Variants in IQCK observed in about 807,000 individuals in gnomAD.
IQCK encodes the protein IQ motif containing K.
IQCK carries 29 observed loss-of-function variants against 28.1 expected under a neutral mutation model. That is an observed-to-expected ratio of 1.03 (90% CI 0.77 to 1.41). The LOEUF is 1.41. IQCK is among the 40% of genes most tolerant of loss of function. The pLI is 0.00. For synonymous variants in IQCK, 113 were observed against 115.1 expected (o/e 0.98, Z 0.12); for missense variants, 359 against 314.7 (o/e 1.14, Z -1.07).
chr16:19,833,811 G>GCT (rs1219728885), intron 9 of IQCK, among the ~76,000 whole-genome samples: 1 of 152,090 alleles, frequency 6.6e-6, no homozygotes, highest in Non-Finnish European at 1.5e-5. Flanking sequence ...CTTAGGATTT[G>GCT]CTGGAGGCTG....
intron 4 of IQCK, among the ~76,000 whole-genome samples, chr16:19,742,716 G>C (rs1178465471): frequency 2.0e-5 from 3 of 152,206 alleles, no homozygotes; most frequent in African/African-American, 7.2e-5. Context: ...AATACTTGCT[G>C]ATCTGCGTTT....
At chr16:19,738,157 A>G (rs1269492333) in intron 4 of IQCK, among the ~76,000 whole-genome samples, 1 of 152,216 alleles carries the variant, frequency 6.6e-6, no homozygotes, top group South Asian at 2.1e-4. Flanking sequence ...ATGCTACCCA[A>G]TGCCTAGCAC....
chr16:19,810,492 G>A (rs769606497), intron 7 of IQCK, among the ~76,000 whole-genome samples: 21 of 112,850 alleles, frequency 1.9e-4, no homozygotes, highest in East Asian at 2.8e-4. Flanking sequence ...GTGAGACTCC[G>A]TCTCAAAAAA....
chr16:19,747,883 A>G (rs2054933701), intron 4 of IQCK, among the ~76,000 whole-genome samples: 1 of 152,178 alleles, frequency 6.6e-6, no homozygotes, highest in Non-Finnish European at 1.5e-5. Flanking sequence ...TGCAAAGTGC[A>G]GATACAGGAA....
intron 6 of IQCK, among the ~76,000 whole-genome samples, chr16:19,768,221 C>T (rs1384835530): frequency 3.3e-5 from 5 of 151,968 alleles, no homozygotes; most frequent in Non-Finnish European, 5.9e-5. Context: ...GCTGGGAGCC[C>T]ACAGCTGGGA....
intron 7 of IQCK, among the ~76,000 whole-genome samples, chr16:19,793,643 G>GTTTTTTTTTTTT (rs1285541664): frequency 9.7e-5 from 6 of 61,808 alleles, no homozygotes; most frequent in African/African-American, 2.3e-4. Flanking sequence ...TCTCAGTTGG[G>GTTTTTTTTTTTT]TTTTTTTTTT....
At chr16:19,779,756 C>T (rs1367796816) in intron 6 of IQCK, among the ~76,000 whole-genome samples, 5 of 150,896 alleles carry the variant, frequency 3.3e-5, no homozygotes, top group Non-Finnish European at 5.9e-5. Flanking sequence ...CTCGCTCTGT[C>T]GCCCAGGCTG....
intron 9 of IQCK, among the ~76,000 whole-genome samples, chr16:19,850,225 C>A (rs1454915925): frequency 1.3e-5 from 2 of 152,042 alleles, no homozygotes; most frequent in Non-Finnish European, 2.9e-5. Context: ...TTTTGCTGTC[C>A]TGGTGGGAGG....
At chr16:19,846,385 T>C (rs2056415804) in intron 9 of IQCK, among the ~76,000 whole-genome samples, 2 of 152,204 alleles carry the variant, frequency 1.3e-5, no homozygotes, top group South Asian at 2.1e-4. Flanking sequence ...TTTTCACCTA[T>C]TAAAAACAAG....
At chr16:19,768,618 C>T (rs538700126) in intron 6 of IQCK, among the ~76,000 whole-genome samples, 4 of 152,152 alleles carry the variant, frequency 2.6e-5, no homozygotes, top group African/African-American at 7.2e-5. Flanking sequence ...TGGTGGTGTG[C>T]GTCTGTAATC....
downstream of IQCK, among the ~76,000 whole-genome samples, chr16:19,829,284 G>C (rs2056198092): frequency 6.6e-6 from 1 of 150,664 alleles, no homozygotes; most frequent in Non-Finnish European, 1.5e-5. Context: ...TCTCTTTTCT[G>C]CTCTTACAAT....
At chr16:19,804,194 CA>C (rs928724088) in intron 7 of IQCK, among the ~76,000 whole-genome samples, 10 of 147,388 alleles carry the variant, frequency 6.8e-5, no homozygotes, top group South Asian at 2.2e-4. Context: ...ACTAAAAATA[CA>C]AAAAAAAAAT....
intron 1 of IQCK, among the ~76,000 whole-genome samples, chr16:19,721,780 G>A (rs1351031947): frequency 6.6e-6 from 1 of 152,032 alleles, no homozygotes; most frequent in Non-Finnish European, 1.5e-5. Flanking sequence ...GTTTTGCCAT[G>A]TTGGCCAAGC....
intron 9 of IQCK, among the ~76,000 whole-genome samples, chr16:19,844,656 G>T (rs2056396059): frequency 6.6e-6 from 1 of 152,186 alleles, no homozygotes; most frequent in Admixed American, 6.5e-5. Flanking sequence ...TTTCTTTTCA[G>T]TGGACCGGGG....
intron 6 of IQCK, among the ~76,000 whole-genome samples, chr16:19,785,016 G>A (rs1389204282): frequency 1.3e-5 from 2 of 152,098 alleles, no homozygotes; most frequent in African/African-American, 2.4e-5. Context: ...TGATCCACCC[G>A]CCCCGGCCTT....
intron 4 of IQCK, among the ~76,000 whole-genome samples, chr16:19,741,435 G>A (rs1016961152): frequency 1.3e-5 from 2 of 151,990 alleles, no homozygotes; most frequent in African/African-American, 4.8e-5. Flanking sequence ...GTAACAAGGG[G>A]GCTAGAAACA....
chr16:19,745,097 T>C (rs2054890530), intron 4 of IQCK, among the ~76,000 whole-genome samples: 1 of 152,210 alleles, frequency 6.6e-6, no homozygotes, highest in South Asian at 2.1e-4. Context: ...ATTAAAAAAT[T>C]TCAAAAGAAG....
intron 6 of IQCK, among the ~76,000 whole-genome samples, chr16:19,786,212 G>A (rs952767154): frequency 1.3e-5 from 2 of 152,170 alleles, no homozygotes; most frequent in Non-Finnish European, 2.9e-5. Context: ...ACACAACTGA[G>A]ATATAGAGAA....
intron 9 of IQCK, among the ~76,000 whole-genome samples, chr16:19,848,349 T>A (rs1421546946): frequency 1.3e-5 from 2 of 152,234 alleles, no homozygotes; most frequent in African/African-American, 2.4e-5. Flanking sequence ...CTTGCCAGAA[T>A]GATGTTTAAA....
Sources: allele counts gnomAD v4.1 joint callset (sites outside exome capture counted in the v4.1 genomes callset), GRCh38; gene constraint gnomAD v4.1.1; transcripts MANE v1.5; gene names NCBI Gene and HGNC (gene_info 2026-07-23, HGNC 2026-07-21).